Variants in DIAPH3 observed in about 807,000 individuals in gnomAD.
The protein encoded by DIAPH3 is protein diaphanous homolog 3.
In DIAPH3, 117 loss-of-function variants were observed where a neutral mutation model predicts 144.3. That is an observed-to-expected ratio of 0.81 (90% CI 0.70 to 0.95). The LOEUF (loss-of-function observed/expected upper bound fraction) is 0.95. DIAPH3 is among the 40% of genes least tolerant of loss of function. The pLI is 0.00. For synonymous variants in DIAPH3, 519 were observed against 488.9 expected, an observed-to-expected ratio of 1.06 and a Z score of -0.81; for missense variants, 1,421 against 1,412.7, an observed-to-expected ratio of 1.01 and a Z score of -0.09.
chr13:59,972,292 C>T (rs148105586), intron 15 of DIAPH3, among the ~76,000 whole-genome samples: 54 of 152,138 alleles, frequency 3.5e-4, no homozygotes, highest in African/African-American at 1.3e-3. Context: ...CCGCCTGTGT[C>T]CACTGGTCAC....
intron 2 of DIAPH3, among the ~76,000 whole-genome samples, chr13:60,129,228 C>T (rs574403937): frequency 1.3e-5 from 2 of 152,230 alleles, no homozygotes; most frequent in Non-Finnish European, 2.9e-5. Context: ...CCCCTCACTC[C>T]CCCCTCCTCC....
chr13:59,847,198 G>A (rs2042690278), intron 22 of DIAPH3, among the ~76,000 whole-genome samples: 1 of 152,160 alleles, frequency 6.6e-6, no homozygotes, highest in South Asian at 2.1e-4. Context: ...TCTGATTCTT[G>A]ATGGAACCCC....
At chr13:59,828,783 C>T (rs958604261) in intron 24 of DIAPH3, among the ~76,000 whole-genome samples, 1 of 151,750 alleles carries the variant, frequency 6.6e-6, no homozygotes, top group Non-Finnish European at 1.5e-5. Context: ...AAGAAAATTA[C>T]AATGCAAACT....
chr13:60,134,003 A>G (rs1331616974), intron 1 of DIAPH3, among the ~76,000 whole-genome samples: 4 of 152,226 alleles, frequency 2.6e-5, no homozygotes, highest in Admixed American at 6.5e-5. Flanking sequence ...ATACTCAAGT[A>G]CACCTTCATG....
intron 9 of DIAPH3, among the ~76,000 whole-genome samples, chr13:59,993,719 A>AAAAAAAAAAAAC (rs2051997558): frequency 6.7e-6 from 1 of 150,260 alleles, no homozygotes; most frequent in Admixed American, 6.7e-5. Flanking sequence ...AAAAAAAAAA[A>AAAAAAAAAAAAC]AAACTTAACA....
intron 17 of DIAPH3, among the ~76,000 whole-genome samples, chr13:59,949,000 C>T (rs575972430): frequency 6.6e-6 from 1 of 152,024 alleles, no homozygotes; most frequent in South Asian, 2.1e-4. Flanking sequence ...TAGAAAAGTG[C>T]CACAATAAAC....
chr13:59,974,438 C>G lies in DIAPH3; in HGVS notation c.1564G>C (p.Asp522His), dbSNP rs781527819. ...LYKKFEKEFT[D>H]HQETQAELQK... is the part of the protein sequence containing the mutation. ...AATTCAGCCTGAGTTTCTTGGTGGTCGGTAAACTCTTTTTCAAACTGAAAC... is the reference window on the plus strand; with the variant it reads ...AATTCAGCCTGAGTTTCTTGGTGGTGGGTAAACTCTTTTTCAAACTGAAAC... The change falls in exon 15 of 28, where the codon GAC becomes CAC. Residue 522 changes from aspartate to histidine, a missense_variant. Asp to His is a moderately conservative substitution (Grantham distance 81). Transcript: ENST00000400324. 6.2e-7 allele frequency: 1 copy of G among 1,610,456 alleles called. No homozygotes were observed. Among genetic ancestry groups the G allele is most frequent in the Non-Finnish European group, 8.5e-7 (1 of 1,179,118 alleles).
chr13:59,786,896 C>T (rs957588629), intron 25 of DIAPH3, among the ~76,000 whole-genome samples: 2 of 151,958 alleles, frequency 1.3e-5, no homozygotes, highest in Non-Finnish European at 2.9e-5. Flanking sequence ...ATCACTTGAA[C>T]CCAAGAGTTC....
rs1312363817 is a variant in DIAPH3 at position 59,955,349 on chromosome 13, T to A, written c.2074+14595A>T. Among the ~76,000 whole-genome samples the A allele has an allele frequency of 2.0e-5, 3 of 152,046 alleles. No individual in the cohort carries two copies. The East Asian group carries it at 5.8e-4, about 29-fold the overall frequency. The stretch of plus-strand genomic sequence containing the variant: ...AGTGAATAAGTTTCATGAGAGCTGA[T>A]ATTTTTATAAAGGGCAGTTCCCCTG... On this transcript the variant is annotated intron_variant, in intron 17 of 27. Coordinates refer to ENST00000400324, the MANE Select transcript of DIAPH3 (RefSeq NM_001042517.2).
Position 60,015,967 on chromosome 13 carries a change from T to C in DIAPH3, c.717A>G (p.Val239=), listed in dbSNP as rs1461807710. 6.2e-7 allele frequency: 1 copy of C among 1,613,392 alleles called. No individual in the cohort carries two copies. The highest frequency in any genetic ancestry group is 8.5e-7 in the Non-Finnish European group (1 of 1,179,752). The part of the protein sequence containing the change: ...LISGKIQEKV[V]KKNQHKVIQC... ...GTATGACTTTATGTTGATTTTTCTTTACAACTTTTTCTTGGCTGTATTGAC... is the reference window on the plus strand; with the variant it reads ...GTATGACTTTATGTTGATTTTTCTTCACAACTTTTTCTTGGCTGTATTGAC... Residue 239 remains valine, a synonymous_variant, in exon 7 of 28, where the codon GTA becomes GTG. Transcript: ENST00000400324.
At chr13:60,064,681 T>C (rs1384844298) in intron 4 of DIAPH3, among the ~76,000 whole-genome samples, 1 of 152,214 alleles carries the variant, frequency 6.6e-6, no homozygotes, top group African/African-American at 2.4e-5. Context: ...ATTGTTTTGC[T>C]TTCTTATCAT....
chr13:59,890,442 G>C (rs901955212), intron 20 of DIAPH3, among the ~76,000 whole-genome samples: 14 of 152,030 alleles, frequency 9.2e-5, no homozygotes, highest in African/African-American at 3.4e-4. Context: ...GAAAACAGTT[G>C]ACCTGGATAT....
chr13:59,722,169 A>G (rs1434693530), intron 27 of DIAPH3, among the ~76,000 whole-genome samples: 1 of 152,220 alleles, frequency 6.6e-6, no homozygotes, highest in Admixed American at 6.5e-5. Flanking sequence ...AAGAATCGGT[A>G]TACGTCCTCA....
intron 24 of DIAPH3, among the ~76,000 whole-genome samples, chr13:59,822,587 T>G (rs886890662): frequency 6.6e-6 from 1 of 151,974 alleles, no homozygotes; most frequent in Admixed American, 6.6e-5. Flanking sequence ...ACTACAGGTG[T>G]GCACCAACAT....
At chr13:60,063,860 C>T (rs574566285) in intron 4 of DIAPH3, among the ~76,000 whole-genome samples, 9 of 151,870 alleles carry the variant, frequency 5.9e-5, no homozygotes, top group East Asian at 1.9e-4. Flanking sequence ...ACCCAGGAGG[C>T]GGAGGTTGCA....
intron 20 of DIAPH3, among the ~76,000 whole-genome samples, chr13:59,910,483 T>G (rs1385128142): frequency 4.6e-5 from 7 of 152,016 alleles, no homozygotes; most frequent in African/African-American, 1.4e-4. Flanking sequence ...ATCCCAGAAC[T>G]TTGGGAGGCG....
intron 4 of DIAPH3, among the ~76,000 whole-genome samples, chr13:60,076,347 C>G (rs2057380885): frequency 6.6e-6 from 1 of 152,160 alleles, no homozygotes; most frequent in Admixed American, 6.5e-5. Context: ...CTCTGTCGAT[C>G]TTCCATTTCT....
Position 59,960,549 on chromosome 13 carries a change from T to G in DIAPH3, c.2074+9395A>C, listed in dbSNP as rs144031984. Among the ~76,000 whole-genome samples, 545 of 152,320 alleles carry G rather than the reference T, an allele frequency of 3.6e-3. 5 individuals are homozygous for G. Among genetic ancestry groups the G allele is most frequent in the African/African-American group, 0.012 (519 of 41,574 alleles). On this transcript the variant is annotated intron_variant, in intron 17 of 27. Coordinates refer to ENST00000400324, the MANE Select transcript of DIAPH3 (RefSeq NM_001042517.2). ...CCATACGCTTTATCTGGCACTCTTA[T>G]TTGCCTATCAAATAAAGGCTCTCTA...
chr13:60,099,951 G>GGAAGGAAA lies in DIAPH3; in HGVS notation c.391-6220_391-6219insTTTCCTTC, dbSNP rs1566771201. Among the ~76,000 whole-genome samples, 17 of 140,286 alleles carry GGAAGGAAA rather than the reference G, an allele frequency of 1.2e-4. 1 individual carries two copies. Among genetic ancestry groups the GGAAGGAAA allele is most frequent in the African/African-American group, 5.4e-4 (17 of 31,744 alleles). 92.0% of individuals were successfully genotyped at this position (140,286 alleles called of 152,430 possible). A position where few individuals can be genotyped will look rare whatever the true frequency, so the allele number is the denominator to read the frequency against. On this transcript the variant is annotated intron_variant, in intron 3 of 27. Transcript: ENST00000400324. Reference sequence around the variant, plus strand: ...AGGAAGGAAGGAAGGAAGGAAGGAAGGAAGGAAGGAAGGAAGGAAGGAAAG... The same window carrying GGAAGGAAA: ...AGGAAGGAAGGAAGGAAGGAAGGAAGGAAGGAAAGAAGGAAGGAAGGAAGGAAGGAAAG...
Sources: gnomAD v4.1 joint callset for allele counts (sites outside exome capture counted in the v4.1 genomes callset) on GRCh38, gnomAD v4.1.1 for gene constraint, MANE v1.5 for transcripts, NCBI Gene and HGNC (gene_info 2026-07-23, HGNC 2026-07-21) for gene names.